The following PTPRT variants were observed in gnomAD, a reference collection of about 807,000 sequenced individuals.
The protein encoded by PTPRT is receptor-type tyrosine-protein phosphatase T.
In PTPRT, 56 loss-of-function variants were observed where a neutral mutation model predicts 176.8. The observed-to-expected ratio is 0.32, with a 90% CI of 0.26 to 0.40. The LOEUF (loss-of-function observed/expected upper bound fraction) is 0.40. PTPRT is among the 10% of genes least tolerant of loss of function. The pLI is 1.00. For missense variants in PTPRT, 1,540 were observed against 1,908.2 expected (o/e 0.81, Z 3.60); for synonymous variants, 783 against 739.0 (o/e 1.06, Z -0.96).
chr20:42,088,082 A>G (rs945576455), intron 27 of PTPRT, among the ~76,000 whole-genome samples: 1 of 152,036 alleles, frequency 6.6e-6, no homozygotes, highest in African/African-American at 2.4e-5. Flanking sequence ...GCCTAGGTCT[A>G]CAGGTCCCAT....
chr20:42,280,886 T>C (rs781530287), intron 13 of PTPRT, among the ~76,000 whole-genome samples: 4 of 152,156 alleles, frequency 2.6e-5, no homozygotes, highest in Non-Finnish European at 4.4e-5. Context: ...TCAGAAATTA[T>C]GACCCAGCCA....
At chr20:42,754,549 T>C (rs1205298728) in intron 6 of PTPRT, among the ~76,000 whole-genome samples, 1 of 152,210 alleles carries the variant, frequency 6.6e-6, no homozygotes, top group Admixed American at 6.5e-5. Flanking sequence ...TCCCAAACTG[T>C]TGGGATGACA....
chr20:42,696,461 T>TTTTTA, intron 6 of PTPRT, among the ~76,000 whole-genome samples: 1 of 121,838 alleles, frequency 8.2e-6, no homozygotes, highest in East Asian at 2.0e-4. Flanking sequence ...ATGAATTATT[T>TTTTTA]TTTTTTTTTT....
At chr20:42,145,612 T>G (rs550625920) in intron 17 of PTPRT, among the ~76,000 whole-genome samples, 1 of 152,310 alleles carries the variant, frequency 6.6e-6, no homozygotes, top group East Asian at 1.9e-4. Context: ...AGCATGACTA[T>G]GATCCTCATC....
At chr20:43,084,301 C>A (rs1284716561) in intron 1 of PTPRT, among the ~76,000 whole-genome samples, 2 of 152,098 alleles carry the variant, frequency 1.3e-5, no homozygotes, top group Non-Finnish European at 1.5e-5. Context: ...TGAAGACATA[C>A]CTGAGATGGG....
At position 42,952,035 on chromosome 20, in the gene PTPRT, T is replaced by C. The variant is rs151179365; in HGVS notation, c.89-66103A>G. Among the ~76,000 whole-genome samples the C allele has an allele frequency of 2.0e-5, 3 of 152,312 alleles. No homozygotes were observed. In the East Asian group the frequency reaches 5.8e-4, roughly 29 times the overall value. On this transcript the variant is annotated intron_variant, in intron 1 of 30. Transcript: ENST00000373187. ...AACCCGGGCTATGAGCTGTGAGGAATACTAAATGCTATTAGGGTTAAACAG... is the reference window on the plus strand; with the variant it reads ...AACCCGGGCTATGAGCTGTGAGGAACACTAAATGCTATTAGGGTTAAACAG...
intron 18 of PTPRT, among the ~76,000 whole-genome samples, chr20:42,140,318 G>A (rs1303757067): frequency 6.6e-6 from 1 of 152,106 alleles, no homozygotes; most frequent in African/African-American, 2.4e-5. Context: ...AAAAGGTCCA[G>A]GTTGGTTACA....
chr20:42,059,136 T>C, the PTPRT span, among the ~76,000 whole-genome samples: 3 of 152,176 alleles, frequency 2.0e-5, no homozygotes, highest in Admixed American at 6.5e-5. Context: ...GCGAGGACTC[T>C]GAGGGTCAGA....
chr20:42,118,384 G>A lies in PTPRT; in HGVS notation c.2982+19C>T, dbSNP rs568530118. The A allele has an allele frequency of 3.1e-6, 5 of 1,590,998 alleles. No homozygotes were observed. Among genetic ancestry groups the A allele is most frequent in the Non-Finnish European group, 4.3e-6 (5 of 1,165,308 alleles). ...CATCTCCAGCATCCTCTGCCCAGGC[G>A]AGTGCAGGAGAGGCTTACCCTGCCC... On this transcript the variant is annotated intron_variant, in intron 21 of 30. Coordinates refer to ENST00000373187, the MANE Select transcript of PTPRT (RefSeq NM_007050.6).
At chr20:42,517,505 A>T (rs564494264) in intron 7 of PTPRT, among the ~76,000 whole-genome samples, 1 of 151,878 alleles carries the variant, frequency 6.6e-6, no homozygotes, top group South Asian at 2.1e-4. Context: ...CATTTAATTA[A>T]TTTCTGTTTC....
chr20:42,927,150 A>T (rs1192527178), intron 1 of PTPRT, among the ~76,000 whole-genome samples: 3 of 152,198 alleles, frequency 2.0e-5, no homozygotes, highest in Non-Finnish European at 4.4e-5. Flanking sequence ...AGGACTTCCC[A>T]TTTGCCCTCA....
intron 9 of PTPRT, among the ~76,000 whole-genome samples, chr20:42,414,213 G>A (rs2059044126): frequency 6.6e-6 from 1 of 152,126 alleles, no homozygotes; most frequent in Admixed American, 6.5e-5. Flanking sequence ...TATTGACAAG[G>A]GTTTTAAGAA....
chr20:42,291,556 T>C (rs1367708382), intron 12 of PTPRT, among the ~76,000 whole-genome samples: 1 of 152,136 alleles, frequency 6.6e-6, no homozygotes, highest in Admixed American at 6.5e-5. Flanking sequence ...GTGCTGTGCA[T>C]GTGTAAGGGA....
At chr20:42,494,306 G>A (rs1248699109) in intron 7 of PTPRT, among the ~76,000 whole-genome samples, 6 of 152,048 alleles carry the variant, frequency 3.9e-5, no homozygotes, top group South Asian at 4.1e-4. Flanking sequence ...GGGAAACAAC[G>A]TTTTCTCATT....
rs536720519 is a variant in PTPRT, at chr20:42,174,294, T to C, written c.2492-12752A>G. 1.2e-3 allele frequency among the ~76,000 whole-genome samples: 182 copies of C among 152,182 alleles called. 1 individual carries two copies. Among genetic ancestry groups the C allele is most frequent in the African/African-American group, 4.3e-3 (177 of 41,534 alleles). ...CACAGTTTTAATATTCTTGCAAGCA[T>C]GAAGGGAGTGATAAGGGTGTGGCAT... On this transcript the variant is annotated intron_variant, in intron 16 of 30. Transcript: ENST00000373187.
Position 42,075,179 on chromosome 20 carries a change from C to A in PTPRT, c.*5700G>T. ...AACAAATCTGAATCTCAGCTTGTCTCTTCTAGTTGGATTTACTTTTCCTAT... is the reference window on the plus strand; with the variant it reads ...AACAAATCTGAATCTCAGCTTGTCTATTCTAGTTGGATTTACTTTTCCTAT... On this transcript the variant is annotated 3_prime_UTR_variant, in exon 31 of 31. Coordinates refer to ENST00000373187, the MANE Select transcript of PTPRT (RefSeq NM_007050.6). The A allele has an allele frequency of 3.7e-6, 1 of 273,526 alleles. No homozygotes were observed. Among genetic ancestry groups the A allele is most frequent in the Non-Finnish European group, 6.9e-6 (1 of 145,592 alleles). The allele number at this position is 273,526 out of a possible 1,614,324, so 16.9% of individuals were successfully genotyped here. A position where few individuals can be genotyped will look rare whatever the true frequency, so the allele number is the denominator to read the frequency against.
chr20:42,142,910 A>G (rs1430052111), intron 17 of PTPRT, among the ~76,000 whole-genome samples: 2 of 152,174 alleles, frequency 1.3e-5, no homozygotes, highest in African/African-American at 4.8e-5. Flanking sequence ...GTAATTCCTT[A>G]ATATGAAACA....
intron 3 of PTPRT, among the ~76,000 whole-genome samples, chr20:42,785,270 A>T (rs1418956865): frequency 6.6e-6 from 1 of 152,246 alleles, no homozygotes; most frequent in African/African-American, 2.4e-5. Flanking sequence ...AAGCTCACTA[A>T]TGAGAAAGAG....
intron 6 of PTPRT, chr20:42,688,681 T>C (rs980238614): frequency 2.6e-5 from 4 of 152,222 alleles, no homozygotes; most frequent in Admixed American, 2.6e-4. Flanking sequence ...ATGTGGCTAA[T>C]TAGTGAGTGT....
Sources: gnomAD v4.1 joint callset for allele counts (sites outside exome capture counted in the v4.1 genomes callset) on GRCh38, gnomAD v4.1.1 for gene constraint, MANE v1.5 for transcripts, NCBI Gene and HGNC (gene_info 2026-07-23, HGNC 2026-07-21) for gene names.